Variants in SYT9 observed in about 807,000 individuals in gnomAD.
SYT9 encodes synaptotagmin-9.
In SYT9, 22 loss-of-function variants were observed where a neutral mutation model predicts 48.4. That is an observed-to-expected ratio of 0.45 (90% CI 0.32 to 0.65). The LOEUF is 0.65. SYT9 is among the 30% of genes least tolerant of loss of function. SYT9 has a pLI of 0.03. For missense variants in SYT9, 577 were observed against 622.0 expected, an observed-to-expected ratio of 0.93 and a Z score of 0.77; for synonymous variants, 265 against 245.0, an observed-to-expected ratio of 1.08 and a Z score of -0.76.
In SYT9 at chr11:7,397,614, T is replaced by C. The variant is rs181045895; in HGVS notation, c.1045-18428T>C. On this transcript the variant is annotated intron_variant, in intron 3 of 6. Coordinates refer to ENST00000318881, the MANE Select transcript of SYT9 (RefSeq NM_175733.4). ...AAATTTATAGATCAATGGGAATGAATTGATATCTTAGCTATGTTGAGTATC... is the reference window on the plus strand; with the variant it reads ...AAATTTATAGATCAATGGGAATGAACTGATATCTTAGCTATGTTGAGTATC... Among the ~76,000 whole-genome samples the C allele has an allele frequency of 7.0e-4, 107 of 152,328 alleles. 1 individual carries two copies. Among genetic ancestry groups the C allele is most frequent in the Middle Eastern group, 3.4e-3 (1 of 294 alleles).
chr11:7,271,865 C>T (rs187575475), intron 1 of SYT9, among the ~76,000 whole-genome samples: 4 of 152,212 alleles, frequency 2.6e-5, no homozygotes, highest in East Asian at 1.9e-4. Context: ...CATGAGCCAC[C>T]GCACCTGGCC....
chr11:7,318,322 CTT>C (rs11327800), intron 3 of SYT9, among the ~76,000 whole-genome samples: 3 of 146,698 alleles, frequency 2.0e-5, no homozygotes, highest in Admixed American at 6.8e-5. Context: ...TCATTAATGC[CTT>C]TTTTTTTTTA....
intron 3 of SYT9, among the ~76,000 whole-genome samples, chr11:7,382,433 TC>T (rs1850583167): frequency 6.6e-6 from 1 of 152,126 alleles, no homozygotes; most frequent in African/African-American, 2.4e-5. Context: ...ATTTTTTTTT[TC>T]CAAACTGAGA....
intron 3 of SYT9, among the ~76,000 whole-genome samples, chr11:7,342,024 C>CA (rs1849722558): frequency 6.6e-6 from 1 of 152,130 alleles, no homozygotes; most frequent in Non-Finnish European, 1.5e-5. Context: ...TATTCACTGC[C>CA]ATGAGAACAG....
intron 3 of SYT9, among the ~76,000 whole-genome samples, chr11:7,314,857 C>T (rs1849211396): frequency 6.6e-6 from 1 of 152,162 alleles, no homozygotes; most frequent in Non-Finnish European, 1.5e-5. Context: ...TCCAAATGGA[C>T]CAAGCACCAC....
chr11:7,370,063 C>T (rs1019956444), intron 3 of SYT9, among the ~76,000 whole-genome samples: 4 of 152,010 alleles, frequency 2.6e-5, no homozygotes, highest in African/African-American at 9.7e-5. Context: ...CCACTCTTCC[C>T]CCCAAGTCCC....
chr11:7,349,134 G>C (rs185094559), intron 3 of SYT9, among the ~76,000 whole-genome samples: 7 of 152,134 alleles, frequency 4.6e-5, no homozygotes, highest in Non-Finnish European at 8.8e-5. Context: ...CCTGCTCACT[G>C]TCAGAGCCAC....
intron 3 of SYT9, among the ~76,000 whole-genome samples, chr11:7,378,800 T>A (rs1226783822): frequency 1.3e-5 from 2 of 152,104 alleles, no homozygotes; most frequent in African/African-American, 4.8e-5. Context: ...AATCTCATCA[T>A]CCCGTCTCCC....
rs576391265 is a variant in SYT9 at position 7,342,844 on chromosome 11, C to T, written c.1044+28903C>T. On this transcript the variant is annotated intron_variant, in intron 3 of 6. Coordinates refer to ENST00000318881, the MANE Select transcript of SYT9 (RefSeq NM_175733.4). ...AGCACAATCTGCCTGGACATCCAGG[C>T]ATTTCCATACAACCTCTGAAATCTA... 5.7e-4 allele frequency among the ~76,000 whole-genome samples: 87 copies of T among 152,380 alleles called. No individual in the cohort carries two copies. In the South Asian group the frequency reaches 8.3e-3, roughly 14 times the overall value.
chr11:7,336,274 C>T (rs1849629145), intron 3 of SYT9, among the ~76,000 whole-genome samples: 1 of 152,060 alleles, frequency 6.6e-6, no homozygotes, highest in Non-Finnish European at 1.5e-5. Flanking sequence ...CAAGGATTTT[C>T]TCCTGTTCTG....
At chr11:7,410,482 T>C (rs1053227594) in intron 3 of SYT9, among the ~76,000 whole-genome samples, 3 of 152,224 alleles carry the variant, frequency 2.0e-5, no homozygotes, top group Admixed American at 1.3e-4. Context: ...GTCTCTCTCT[T>C]TAGCTCTAGT....
intron 1 of SYT9, among the ~76,000 whole-genome samples, chr11:7,244,310 C>T (rs927182198): frequency 1.2e-4 from 18 of 152,114 alleles, no homozygotes; most frequent in Admixed American, 1.0e-3. Context: ...TTTGAACATA[C>T]CAGAACAACT....
intron 6 of SYT9, among the ~76,000 whole-genome samples, chr11:7,452,428 A>G (rs1241543061): frequency 6.6e-6 from 1 of 152,144 alleles, no homozygotes; most frequent in Non-Finnish European, 1.5e-5. Context: ...GGGCCATTTC[A>G]AAGGCAATCT....
intron 3 of SYT9, among the ~76,000 whole-genome samples, chr11:7,389,872 A>G (rs1305826603): frequency 6.6e-6 from 1 of 152,202 alleles, no homozygotes; most frequent in Non-Finnish European, 1.5e-5. Context: ...AAACATTTCA[A>G]CTGAAACATG....
intron 3 of SYT9, among the ~76,000 whole-genome samples, chr11:7,355,760 A>T (rs1850009962): frequency 6.6e-6 from 1 of 152,252 alleles, no homozygotes; most frequent in African/African-American, 2.4e-5. Context: ...AGTCTTATCA[A>T]GGTTAAGTGG....
At chr11:7,385,394 C>G (rs920302082) in intron 3 of SYT9, among the ~76,000 whole-genome samples, 4 of 151,334 alleles carry the variant, frequency 2.6e-5, no homozygotes, top group African/African-American at 9.7e-5. Context: ...GCAGCTAATT[C>G]ATCCCAAACT....
At chr11:7,285,285 C>A (rs1041930273) in intron 1 of SYT9, among the ~76,000 whole-genome samples, 14 of 152,262 alleles carry the variant, frequency 9.2e-5, no homozygotes, top group Middle Eastern at 6.8e-3. Flanking sequence ...AGGAAACTTA[C>A]AATCATGGCA....
intron 6 of SYT9, among the ~76,000 whole-genome samples, chr11:7,426,778 A>G (rs1847465829): frequency 6.6e-6 from 1 of 152,118 alleles, no homozygotes; most frequent in African/African-American, 2.4e-5. Context: ...TATATATCTT[A>G]GCATGATTTC....
chr11:7,313,912 C>G lies in SYT9; in HGVS notation c.1015C>G (p.Leu339Val). 1.2e-6 allele frequency: 2 copies of G among 1,613,428 alleles called. No homozygotes were observed. Among genetic ancestry groups the G allele is most frequent in the Non-Finnish European group, 1.7e-6 (2 of 1,179,856 alleles). Residue 339 changes from leucine (L) to valine (V), a missense_variant, in exon 3 of 7, where the codon CTT (leucine) becomes GTT (valine). Leu to Val is a conservative substitution (Grantham distance 32). Coordinates refer to ENST00000318881, the MANE Select transcript of SYT9 (RefSeq NM_175733.4). ...DLADFPRECI[L>V]WKDIEYVTND... ...GGCTGATTTCCCCAGGGAGTGCATC[C>G]TTTGGAAGGATATCGAATATGTCAC...
Sources: allele counts gnomAD v4.1 joint callset (sites outside exome capture counted in the v4.1 genomes callset), GRCh38; gene constraint gnomAD v4.1.1; transcripts MANE v1.5; gene names NCBI Gene and HGNC (gene_info 2026-07-23, HGNC 2026-07-21).